DNAJC3: variants seen among roughly 807,000 people sequenced by gnomAD.
DNAJC3 encodes dnaJ homolog subfamily C member 3.
DNAJC3 carries 38 observed loss-of-function variants against 68.6 expected under a neutral mutation model. The observed-to-expected ratio is 0.55, with a 90% CI of 0.43 to 0.73. DNAJC3 has a LOEUF of 0.73. DNAJC3 is among the 30% of genes least tolerant of loss of function. The probability of loss-of-function intolerance (pLI) is 0.00; values close to 1 mark genes in which losing one functional copy is unlikely to be tolerated. For synonymous variants in DNAJC3, 203 were observed against 204.0 expected, an observed-to-expected ratio of 1.00 and a Z score of 0.04; for missense variants, 526 against 591.9, an observed-to-expected ratio of 0.89 and a Z score of 1.16.
At chr13:95,761,982 G>C (rs979098153) in intron 7 of DNAJC3, among the ~76,000 whole-genome samples, 5 of 152,086 alleles carry the variant, frequency 3.3e-5, no homozygotes, top group African/African-American at 1.2e-4. Flanking sequence ...CTTGTTTACT[G>C]TTGAGTAGTT....
intron 3 of DNAJC3, 91 bp from the exon 4 acceptor site, chr13:95,725,087 T>G (rs963609636): frequency 3.7e-5 from 29 of 782,032 alleles, no homozygotes; most frequent in Non-Finnish European, 3.7e-6. Context: ...TATTTATTAA[T>G]AATTTGTTTA....
intron 2 of DNAJC3, among the ~76,000 whole-genome samples, chr13:95,722,838 C>G (rs1017953586): frequency 6.1e-5 from 2 of 32,908 alleles, no homozygotes; most frequent in Admixed American, 4.5e-4. Context: ...CCCCCCCCCC[C>G]CGCCGAAAAA....
intron 1 of DNAJC3, among the ~76,000 whole-genome samples, chr13:95,689,374 A>G (rs1308640787): frequency 6.6e-6 from 1 of 150,542 alleles, no homozygotes; most frequent in Non-Finnish European, 1.5e-5. Flanking sequence ...TAAGTTTTCT[A>G]TCTAGTTTGC....
At chr13:95,705,702 C>T (rs1037914432) in intron 1 of DNAJC3, among the ~76,000 whole-genome samples, 2 of 151,896 alleles carry the variant, frequency 1.3e-5, no homozygotes, top group African/African-American at 4.8e-5. Flanking sequence ...CCATGCCTGG[C>T]TAATTATTTT....
intron 1 of DNAJC3, chr13:95,694,579 T>C (rs1419660284): frequency 6.6e-6 from 1 of 152,600 alleles, no homozygotes; most frequent in Non-Finnish European, 1.5e-5. Flanking sequence ...ATGATTAATA[T>C]ACATAAAATA....
rs1412649160 is a variant in DNAJC3 at position 95,677,399 on chromosome 13, C to T, written c.82+62C>T. 3.4e-6 allele frequency: 5 copies of T among 1,490,504 alleles called. No homozygotes were observed. The South Asian group carries it at 5.0e-5, about 15-fold the overall frequency. The allele number at this position is 1,490,504 out of a possible 1,614,324, so 92.3% of individuals were successfully genotyped here. A position where few individuals can be genotyped will look rare whatever the true frequency, so the allele number is the denominator to read the frequency against. On this transcript the variant is annotated intron_variant, in intron 1 of 11. Coordinates refer to ENST00000602402, the MANE Select transcript of DNAJC3 (RefSeq NM_006260.5). ...CCGGACCAGGCCCCCCGCGCTTTCCCGTCTGCGCCCGGGCGCCTGTCCCGG... is the reference window on the plus strand; with the variant it reads ...CCGGACCAGGCCCCCCGCGCTTTCCTGTCTGCGCCCGGGCGCCTGTCCCGG...
At chr13:95,766,389 CTGTTTTAATAGCTTT>C (rs1293485159) in intron 9 of DNAJC3, among the ~76,000 whole-genome samples, 1 of 152,194 alleles carries the variant, frequency 6.6e-6, no homozygotes, top group African/African-American at 2.4e-5. Flanking sequence ...CTACATGTCT[CTGTTTTAATAGCTTT>C]TGAGAGGAAA....
At position 95,779,346 on chromosome 13, in the gene DNAJC3, G is replaced by A. The variant is rs187080211; in HGVS notation, c.1076-6593G>A. ...TCACCGTGTTAGCCAGGATGGTCTC[G>A]ATCTCCTGACCTCGTGATCTGCCCA... On this transcript the variant is annotated intron_variant, in intron 9 of 11. Coordinates refer to ENST00000602402, the MANE Select transcript of DNAJC3 (RefSeq NM_006260.5). Among the ~76,000 whole-genome samples, 81 of 151,964 alleles carry A rather than the reference G, an allele frequency of 5.3e-4. 1 individual carries two copies. In the South Asian group the frequency reaches 9.8e-3, roughly 18 times the overall value.
chr13:95,715,129 G>A (rs538764565), intron 2 of DNAJC3, among the ~76,000 whole-genome samples: 1 of 152,358 alleles, frequency 6.6e-6, no homozygotes, highest in East Asian at 1.9e-4. Context: ...GCTTACAACT[G>A]TAATTCTAGC....
Position 95,763,912 on chromosome 13 carries a change from A to G in DNAJC3, c.1034A>G (p.Asp345Gly), listed in dbSNP as rs1198880751. 4 of 1,614,088 alleles carry G rather than the reference A, an allele frequency of 2.5e-6. No individual in the cohort carries two copies. The highest frequency in any genetic ancestry group is 1.7e-6 in the Non-Finnish European group (2 of 1,179,960). Residue 345 changes from aspartate (D) to glycine (G), a missense_variant, in exon 9 of 12, where the codon GAT (aspartate) becomes GGT (glycine). Transcript: ENST00000602402. ...CCTGACAATGTGAATGCCCTGAAAG[A>G]TCGAGCAGAGGCCTATTTGATAGAG... ...MEPDNVNALK[D>G]RAEAYLIEEM...
intron 1 of DNAJC3, among the ~76,000 whole-genome samples, chr13:95,704,928 C>T (rs1223158204): frequency 9.5e-5 from 14 of 147,736 alleles, no homozygotes; most frequent in African/African-American, 2.3e-4. Context: ...CTCAGCTCAC[C>T]GCAACCTCCA....
intron 4 of DNAJC3, among the ~76,000 whole-genome samples, chr13:95,733,703 CTTTTTTTTTTT>C (rs146677839): frequency 9.7e-6 from 1 of 102,966 alleles, no homozygotes; most frequent in Non-Finnish European, 1.9e-5. Context: ...CCTGGCCTGT[CTTTTTTTTTTT>C]TTTTTTTTTT....
In DNAJC3 at chr13:95,763,572, G is replaced by C. The variant is rs1400041666; in HGVS notation, c.849-71G>C. The C allele has an allele frequency of 1.2e-5, 17 of 1,440,182 alleles. No individual in the cohort carries two copies. In the Admixed American group the frequency reaches 3.1e-4, roughly 26 times the overall value. 89.2% of individuals were successfully genotyped at this position (1,440,182 alleles called of 1,614,324 possible). A position where few individuals can be genotyped will look rare whatever the true frequency, so the allele number is the denominator to read the frequency against. ...TTGATTAAGCAACACATGGTGAAGA[G>C]GGGAGGAGCCTTTCTACAGCTCTGG... On this transcript the variant is annotated intron_variant, in intron 7 of 11. Transcript: ENST00000602402.
At chr13:95,789,319 C>G (rs535454187) in intron 11 of DNAJC3, among the ~76,000 whole-genome samples, 1 of 152,288 alleles carries the variant, frequency 6.6e-6, no homozygotes, top group African/African-American at 2.4e-5. Flanking sequence ...ACCCTTCACC[C>G]TCCAATAGGC....
rs140873803 is a variant in DNAJC3 at position 95,773,799 on chromosome 13, C to T, written c.1075+9846C>T. On this transcript the variant is annotated intron_variant, in intron 9 of 11. Transcript: ENST00000602402. ...GTCGCCAGGCTGGAGTACAGTGGAG[C>T]GATCTTAGCTCACTGCAACCTCTAC... is the stretch of plus-strand genomic sequence containing the variant. Among the ~76,000 whole-genome samples the T allele has an allele frequency of 1.1e-3, 141 of 130,192 alleles. 3 individuals are homozygous for T. The East Asian group carries it at 0.025, about 23-fold the overall frequency. The allele number at this position is 130,192 out of a possible 152,430, so 85.4% of individuals were successfully genotyped here. A position where few individuals can be genotyped will look rare whatever the true frequency, so the allele number is the denominator to read the frequency against.
At chr13:95,761,377 G>A (rs146633247) in intron 7 of DNAJC3, among the ~76,000 whole-genome samples, 1 of 152,234 alleles carries the variant, frequency 6.6e-6, no homozygotes, top group Non-Finnish European at 1.5e-5. Flanking sequence ...GGGGTTTATA[G>A]GCTGGGCAGG....
At chr13:95,710,160 C>A (rs1880909503) in intron 2 of DNAJC3, among the ~76,000 whole-genome samples, 1 of 151,900 alleles carries the variant, frequency 6.6e-6, no homozygotes, top group African/African-American at 2.4e-5. Context: ...TCTGTTAGGA[C>A]TGTAAGAAGT....
rs144561300 is a variant in DNAJC3 at position 95,760,856 on chromosome 13, C to G, written c.848+58C>G. The G allele has an allele frequency of 4.1e-5, 64 of 1,577,542 alleles. No individual in the cohort carries two copies. The African/African-American group carries it at 8.1e-4, about 20-fold the overall frequency. ...TTCCTTATGTGCGGGGCTGTGGGCACAAGTGAACTACAGAACTGCTCTTTT... is the reference window on the plus strand; with the variant it reads ...TTCCTTATGTGCGGGGCTGTGGGCAGAAGTGAACTACAGAACTGCTCTTTT... On this transcript the variant is annotated intron_variant, in intron 7 of 11. Coordinates refer to ENST00000602402, the MANE Select transcript of DNAJC3 (RefSeq NM_006260.5).
chr13:95,716,031 G>A (rs1881134047), intron 2 of DNAJC3, among the ~76,000 whole-genome samples: 1 of 151,922 alleles, frequency 6.6e-6, no homozygotes, highest in African/African-American at 2.4e-5. Flanking sequence ...GGTGGCAGGT[G>A]CCTGTAATCC....
Sources: gnomAD v4.1 joint callset for allele counts (sites outside exome capture counted in the v4.1 genomes callset) on GRCh38, gnomAD v4.1.1 for gene constraint, MANE v1.5 for transcripts, NCBI Gene and HGNC (gene_info 2026-07-23, HGNC 2026-07-21) for gene names.